Variants in SKI observed in about 807,000 individuals in gnomAD.
SKI encodes ski oncogene.
Under a neutral mutation model 59.3 loss-of-function variants are expected in SKI, and 23 were observed. The observed-to-expected ratio is 0.39, with a 90% CI of 0.28 to 0.55. The LOEUF (loss-of-function observed/expected upper bound fraction) is 0.55, where lower values mean the gene tolerates loss of function less well. Among genes scored for constraint, SKI ranks in the 20% least tolerant of loss-of-function variants. The probability of loss-of-function intolerance (pLI) is 0.67; values close to 1 mark genes in which losing one functional copy is unlikely to be tolerated. For missense variants in SKI, 1,017 were observed against 1,038.9 expected (o/e 0.98, Z 0.29); for synonymous variants, 673 against 488.6 (o/e 1.38, Z -4.98).
At chr1:2,244,964 C>T (rs905359205) in intron 1 of SKI, among the ~76,000 whole-genome samples, 3 of 152,176 alleles carry the variant, frequency 2.0e-5, no homozygotes, top group Admixed American at 1.3e-4. Flanking sequence ...GTCGAATCAA[C>T]TGGAAGATCT....
intron 1 of SKI, among the ~76,000 whole-genome samples, chr1:2,286,171 C>T (rs1241111108): frequency 6.6e-6 from 1 of 152,238 alleles, no homozygotes; most frequent in East Asian, 1.9e-4. Flanking sequence ...CACGCCCAGC[C>T]TACTGTTCAT....
chr1:2,292,055 A>C (rs940191335), intron 1 of SKI, among the ~76,000 whole-genome samples: 5 of 152,248 alleles, frequency 3.3e-5, no homozygotes, highest in African/African-American at 1.2e-4. Flanking sequence ...GAACCGTGAA[A>C]TCTTCAGAGA....
intron 1 of SKI, among the ~76,000 whole-genome samples, chr1:2,230,225 CAG>C (rs1298938968): frequency 6.6e-6 from 1 of 152,238 alleles, no homozygotes; most frequent in African/African-American, 2.4e-5. Context: ...CCCCAGGAGA[CAG>C]AGCTTGGGTG....
chr1:2,275,450 G>C lies in SKI; in HGVS notation c.970-27528G>C, dbSNP rs575774367. On this transcript the variant is annotated intron_variant, in intron 1 of 6. Transcript: ENST00000378536. Reference sequence around the variant, plus strand: ...GCCGGTGTGGGCAGCTTTGCCCTTCGTCTGAGACCCCGAGCCCTGGGGCAG... The same window carrying C: ...GCCGGTGTGGGCAGCTTTGCCCTTCCTCTGAGACCCCGAGCCCTGGGGCAG... Among the ~76,000 whole-genome samples, 5 of 152,302 alleles carry C rather than the reference G, an allele frequency of 3.3e-5. No individual in the cohort carries two copies. The South Asian group carries it at 1.0e-3, about 32-fold the overall frequency.
intron 1 of SKI, among the ~76,000 whole-genome samples, chr1:2,275,337 T>G (rs1639717753): frequency 6.6e-6 from 1 of 152,162 alleles, no homozygotes; most frequent in African/African-American, 2.4e-5. Context: ...GGAGGAGGCT[T>G]CCTGTGGCTC....
At chr1:2,273,184 A>AT (rs1308720812) in intron 1 of SKI, among the ~76,000 whole-genome samples, 2 of 152,230 alleles carry the variant, frequency 1.3e-5, no homozygotes, top group Non-Finnish European at 1.5e-5. Flanking sequence ...GGCCTTGGCC[A>AT]TGCTGCCTTC....
chr1:2,296,543 C>A (rs968962814), intron 1 of SKI, among the ~76,000 whole-genome samples: 1 of 152,148 alleles, frequency 6.6e-6, no homozygotes, highest in Non-Finnish European at 1.5e-5. Flanking sequence ...AATGGCTACT[C>A]GAATTCTCTC....
At chr1:2,253,740 C>T (rs976786308) in intron 1 of SKI, among the ~76,000 whole-genome samples, 5 of 152,216 alleles carry the variant, frequency 3.3e-5, no homozygotes, top group Non-Finnish European at 7.3e-5. Context: ...AGTGAGGCTG[C>T]GGGTCCCTCG....
chr1:2,260,180 G>C (rs529795172), intron 1 of SKI, among the ~76,000 whole-genome samples: 1 of 152,312 alleles, frequency 6.6e-6, no homozygotes, highest in South Asian at 2.1e-4. Context: ...GTGTGTGGTG[G>C]GCGGGCTTAG....
At chr1:2,250,810 T>G (rs1639130019) in intron 1 of SKI, among the ~76,000 whole-genome samples, 1 of 152,252 alleles carries the variant, frequency 6.6e-6, no homozygotes, top group Non-Finnish European at 1.5e-5. Flanking sequence ...GACTCTTCTC[T>G]TGGGCCTGCC....
chr1:2,301,935 C>G (rs540406158), intron 1 of SKI, among the ~76,000 whole-genome samples: 14 of 152,246 alleles, frequency 9.2e-5, no homozygotes, highest in African/African-American at 3.4e-4. Context: ...CCTGTGGGGT[C>G]TTTGGCAGTA....
intron 1 of SKI, among the ~76,000 whole-genome samples, chr1:2,259,078 G>A (rs753303946): frequency 1.4e-4 from 22 of 152,346 alleles, no homozygotes; most frequent in Non-Finnish European, 1.6e-4. Context: ...CCAGGTCCGA[G>A]GTAGGGACTG....
At chr1:2,298,427 G>A (rs1284366026) in intron 1 of SKI, among the ~76,000 whole-genome samples, 7 of 152,172 alleles carry the variant, frequency 4.6e-5, no homozygotes, top group East Asian at 1.9e-4. Context: ...TGTGGTCCCC[G>A]GCTCCTGGAT....
intron 1 of SKI, among the ~76,000 whole-genome samples, chr1:2,259,413 A>G (rs959442565): frequency 2.6e-5 from 4 of 152,182 alleles, no homozygotes; most frequent in Non-Finnish European, 5.9e-5. Context: ...GAGGTCAGCG[A>G]CAGAAGCCGT....
Position 2,250,768 on chromosome 1 carries a change from C to T in SKI, c.969+21033C>T, listed in dbSNP as rs190584471. On this transcript the variant is annotated intron_variant, in intron 1 of 6. Transcript: ENST00000378536. ...CTGCCACGCCCTCTTCAGTAGTTTA[C>T]TTCTGCCTGGGACCTGCCTGGCGGC... Among the ~76,000 whole-genome samples, 216 of 152,382 alleles carry T rather than the reference C, an allele frequency of 1.4e-3. 4 individuals carry two copies. The highest frequency in any genetic ancestry group is 4.7e-3 in the African/African-American group (194 of 41,592).
At position 2,303,212 on chromosome 1, in the gene SKI, C is replaced by T. The variant is rs1444602943; in HGVS notation, c.1096-73C>T. 4.6e-5 allele frequency: 73 copies of T among 1,597,042 alleles called. No individual in the cohort carries two copies. Among genetic ancestry groups the T allele is most frequent in the African/African-American group, 5.4e-5 (4 of 74,686 alleles). Reference sequence around the variant, plus strand: ...CTGCCCGCTACTGAGGGCTGGCACCCGGCGCAGCCTCAGGGACATGAAGTG... The same window carrying T: ...CTGCCCGCTACTGAGGGCTGGCACCTGGCGCAGCCTCAGGGACATGAAGTG... On this transcript the variant is annotated intron_variant, in intron 2 of 6. Coordinates refer to ENST00000378536, the MANE Select transcript of SKI (RefSeq NM_003036.4). The surrounding 1 kb of genome is among the most constrained non-coding windows in gnomAD (Gnocchi z 5.6).
intron 1 of SKI, among the ~76,000 whole-genome samples, chr1:2,265,916 T>G (rs1173948290): frequency 1.3e-5 from 2 of 152,016 alleles, no homozygotes; most frequent in Admixed American, 6.6e-5. Context: ...TGCAGTGAGC[T>G]TCAATCGCGC....
In SKI at chr1:2,228,706, CG is replaced by C; in HGVS notation, c.-56del. 1 of 960,278 alleles carries C rather than the reference CG, an allele frequency of 1.0e-6. No individual in the cohort carries two copies. Among genetic ancestry groups the C allele is most frequent in the Non-Finnish European group, 1.2e-6 (1 of 810,944 alleles). The allele number at this position is 960,278 out of a possible 1,614,324, so 59.5% of individuals were successfully genotyped here. ...GCCGCCGGGGCGCGCGGGGCGGCGG[CG>C]GGGGCCGGGGGGGCCCGGGCGCGCG... is the stretch of plus-strand genomic sequence containing the variant. On this transcript the variant is annotated 5_prime_UTR_variant, in exon 1 of 7. Transcript: ENST00000378536.
At chr1:2,285,239 G>A (rs771465285) in intron 1 of SKI, among the ~76,000 whole-genome samples, 10 of 152,074 alleles carry the variant, frequency 6.6e-5, no homozygotes, top group Non-Finnish European at 8.8e-5. Context: ...CAGGCCGGTC[G>A]CAGTGGCTCA....
Sources: gnomAD v4.1 joint callset for allele counts (sites outside exome capture counted in the v4.1 genomes callset) on GRCh38, gnomAD v4.1.1 for gene constraint, Gnocchi (gnomAD v3.1) non-coding constraint, MANE v1.5 for transcripts, NCBI Gene and HGNC (gene_info 2026-07-23, HGNC 2026-07-21) for gene names.